PSMD6: variants seen among roughly 807,000 people sequenced by gnomAD.
The protein encoded by PSMD6 is proteasome 26S subunit, non-ATPase 6, also known as 26S proteasome non-ATPase regulatory subunit 6.
Under a neutral mutation model 44.9 loss-of-function variants are expected in PSMD6, and 7 were observed. The observed-to-expected ratio is 0.16, with a 90% CI of 0.09 to 0.29. The LOEUF is 0.29. PSMD6 is among the 10% of genes least tolerant of loss of function. PSMD6 has a pLI of 1.00. For synonymous variants in PSMD6, 184 were observed against 172.7 expected (o/e 1.07, Z -0.51); for missense variants, 420 against 482.6 (o/e 0.87, Z 1.21).
rs1182567704 is a variant in PSMD6, at chr3:64,019,542, G to A, written c.352-101C>T. On this transcript the variant is annotated intron_variant, in intron 2 of 7. Transcript: ENST00000295901. ...TCTTCAAAGGTTGAGGGAAGAGGTA[G>A]GAGTAGAAGTACAACAAGATGGCCA... 10 of 1,303,138 alleles carry A rather than the reference G, an allele frequency of 7.7e-6. No homozygotes were observed. In the African/African-American group the frequency reaches 1.2e-4, roughly 16 times the overall value. The allele number at this position is 1,303,138 out of a possible 1,614,324, so 80.7% of individuals were successfully genotyped here. A position where few individuals can be genotyped will look rare whatever the true frequency, so the allele number is the denominator to read the frequency against.
chr3:64,013,677 A>G (rs2075997970), intron 5 of PSMD6, 70 bp from the exon 6 acceptor site: 6 of 1,402,646 alleles, frequency 4.3e-6, no homozygotes, highest in Non-Finnish European at 5.7e-6. Context: ...AACTAAAGCA[A>G]CACTACTAGT....
At chr3:64,018,740 A>T in intron 4 of PSMD6, 33 bp from the exon 5 acceptor site, 1 of 1,521,920 alleles carries the variant, frequency 6.6e-7, no homozygotes, top group Admixed American at 1.8e-5. Flanking sequence ...ATACAAAAAA[A>T]ATGTACATTT....
chr3:64,019,042 G>T lies in PSMD6; in HGVS notation c.498-5C>A. ...TCTCCTCCTTCTTCTATTAAGCTAT[G>T]AAATAAAAACAGTAAGATCATAGTC... On this transcript the variant is annotated splice_region_variant and splice_polypyrimidine_tract_variant and intron_variant, in intron 3 of 7. Transcript: ENST00000295901. 6.3e-7 allele frequency: 1 copy of T among 1,587,882 alleles called. No individual in the cohort carries two copies. The highest frequency in any genetic ancestry group is 8.6e-7 in the Non-Finnish European group (1 of 1,156,562).
At chr3:64,023,736 G>A, upstream of PSMD6, 1 of 1,485,480 alleles carries the variant, frequency 6.7e-7, no homozygotes, top group African/African-American at 1.4e-5. Flanking sequence ...CTTTCCGTTT[G>A]TAACTGATGG....
Position 64,010,561 on chromosome 3 carries a change from A to T in PSMD6, c.*107T>A. 2.7e-6 allele frequency: 2 copies of T among 749,858 alleles called. No individual in the cohort carries two copies. The highest frequency in any genetic ancestry group is 2.1e-5 in the South Asian group (1 of 47,470). The allele number at this position is 749,858 out of a possible 1,614,324, so 46.5% of individuals were successfully genotyped here. ...AGAAAAAAATAAATGGAAAGAAACAACAATGCAGTATTTATTTTATACAGC... is the reference window on the plus strand; with the variant it reads ...AGAAAAAAATAAATGGAAAGAAACATCAATGCAGTATTTATTTTATACAGC... On this transcript the variant is annotated 3_prime_UTR_variant, in exon 8 of 8. Coordinates refer to ENST00000295901, the MANE Select transcript of PSMD6 (RefSeq NM_014814.3).
At chr3:64,016,186 C>CAAATAAATAAAT (rs537474014) in intron 5 of PSMD6, 7 of 150,364 alleles carry the variant, frequency 4.7e-5, no homozygotes, top group African/African-American at 1.5e-4. Flanking sequence ...GACTCTGTCT[C>CAAATAAATAAAT]AAATAAATAA....
intron 5 of PSMD6, among the ~76,000 whole-genome samples, chr3:64,018,129 A>C (rs2076076224): frequency 6.6e-6 from 1 of 152,202 alleles, no homozygotes; most frequent in African/African-American, 2.4e-5. Context: ...ATTGATACAG[A>C]ATAGCCCATT....
chr3:64,023,569 C>T, upstream of PSMD6: 5 of 1,416,296 alleles, frequency 3.5e-6, no homozygotes, highest in Non-Finnish European at 3.7e-6. Flanking sequence ...CTGGACACCT[C>T]CGGGAACGCC....
At chr3:64,023,945 C>A, upstream of PSMD6, 1 of 862,852 alleles carries the variant, frequency 1.2e-6, no homozygotes, top group South Asian at 1.9e-5. Context: ...GGTCATGTAA[C>A]AGCCATGTCG....
intron 2 of PSMD6, 109 bp downstream of exon 2, chr3:64,022,209 A>C (rs138632308): frequency 3.2e-6 from 4 of 1,232,934 alleles, no homozygotes; most frequent in Non-Finnish European, 4.6e-6. Flanking sequence ...GATTACCTTT[A>C]TACTTTTTCT....
intron 1 of PSMD6, 96 bp from the exon 2 acceptor site, chr3:64,022,619 T>G (rs1229385640): frequency 6.3e-7 from 1 of 1,575,900 alleles, no homozygotes; most frequent in South Asian, 1.1e-5. Flanking sequence ...CCACAAGTCA[T>G]CCACCAGTCT....
At chr3:64,020,985 C>T (rs765226997) in intron 2 of PSMD6, among the ~76,000 whole-genome samples, 1 of 151,836 alleles carries the variant, frequency 6.6e-6, no homozygotes, top group Non-Finnish European at 1.5e-5. Context: ...TTCAAAGATC[C>T]AGTAATGGTG....
chr3:64,019,324 T>C lies in PSMD6; in HGVS notation c.469A>G (p.Ile157Val). ...TTGGCCTTTTCTGTGTTTCGTGTGA[T>C]GAGATCATTATCCATATAAAATAAG... ...IGLFYMDNDL[I>V]TRNTEKAKSL... The change falls in exon 3 of 8, where the codon ATC becomes GTC. Residue 157 changes from isoleucine (I) to valine (V), a missense_variant. Transcript: ENST00000295901. 1 of 1,590,462 alleles carries C rather than the reference T, an allele frequency of 6.3e-7. No homozygotes were observed. The highest frequency in any genetic ancestry group is 8.6e-7 in the Non-Finnish European group (1 of 1,158,524).
chr3:64,013,212 G>A (rs1241924970), intron 6 of PSMD6: 1 of 426,992 alleles, frequency 2.3e-6, no homozygotes, highest in Non-Finnish European at 4.1e-6. Flanking sequence ...AAATCACTTA[G>A]CCTCACTACA....
chr3:64,019,506 G>A (rs1418761341), intron 2 of PSMD6, 65 bp from the exon 3 acceptor site: 26 of 1,521,034 alleles, frequency 1.7e-5, no homozygotes, highest in African/African-American at 4.2e-5. Context: ...GCTATCAGCT[G>A]TCTGGGATTT....
Position 64,022,542 on chromosome 3 carries a change from G to T in PSMD6, c.146-19C>A. 6.2e-7 allele frequency: 1 copy of T among 1,612,576 alleles called. No homozygotes were observed. ...GCCATGTCTAACATGCAAAAAGAGG[G>T]ATGTGTGAGTGGGGACACTTGTGCC... On this transcript the variant is annotated intron_variant, in intron 1 of 7. Coordinates refer to ENST00000295901, the MANE Select transcript of PSMD6 (RefSeq NM_014814.3).
At chr3:64,022,296 A>G (rs1249000577) in intron 2 of PSMD6, 22 bp downstream of exon 2, 1 of 1,613,100 alleles carries the variant, frequency 6.2e-7, no homozygotes, top group South Asian at 1.1e-5. Flanking sequence ...AACTACAGAG[A>G]GGGAAAACCA....
chr3:64,019,772 T>C lies in PSMD6; in HGVS notation c.352-331A>G, dbSNP rs528491645. Reference sequence around the variant, plus strand: ...TCAATGTTTTCTCTCATAATCACAATACACTACATCAAAATAACATCATCT... The same window carrying C: ...TCAATGTTTTCTCTCATAATCACAACACACTACATCAAAATAACATCATCT... On this transcript the variant is annotated intron_variant, in intron 2 of 7. Coordinates refer to ENST00000295901, the MANE Select transcript of PSMD6 (RefSeq NM_014814.3). 185 of 206,718 alleles carry C rather than the reference T, an allele frequency of 8.9e-4. 3 individuals carry two copies. Among genetic ancestry groups the C allele is most frequent in the African/African-American group, 1.0e-3 (44 of 43,642 alleles). The allele number at this position is 206,718 out of a possible 1,614,324, so 12.8% of individuals were successfully genotyped here. A position where few individuals can be genotyped will look rare whatever the true frequency, so the allele number is the denominator to read the frequency against.
rs748335738 is a variant in PSMD6 at position 64,023,368 on chromosome 3, G to T, written c.52C>A (p.Arg18Ser). 8.1e-6 allele frequency: 13 copies of T among 1,612,336 alleles called. No homozygotes were observed. In the South Asian group the frequency reaches 1.4e-4, roughly 18 times the overall value. Reference sequence around the variant, plus strand: ...AGCAGGAAGCGCAGCTGCGCGATACGCAAGTCGGGGTTCTTGGGCAGACCC... The same window carrying T: ...AGCAGGAAGCGCAGCTGCGCGATACTCAAGTCGGGGTTCTTGGGCAGACCC... Reference protein sequence around the residue: ...EEGLPKNPDLRIAQLRFLLSL... With the variant: ...EEGLPKNPDLSIAQLRFLLSL... Residue 18 changes from arginine to serine, a missense_variant, in exon 1 of 8, where the codon CGT becomes AGT. By Grantham distance (110) the Arg-to-Ser change is moderately radical. Around this residue, in one of 4 missense-constraint regions of PSMD6, gnomAD observed 136 missense variants for 124.2 expected, o/e 1.09. Coordinates refer to ENST00000295901, the MANE Select transcript of PSMD6 (RefSeq NM_014814.3).
Sources: gnomAD v4.1 joint callset for allele counts (sites outside exome capture counted in the v4.1 genomes callset) on GRCh38, gnomAD v4.1.1 for gene constraint, gnomAD v4.1.1 regional missense constraint, MANE v1.5 for transcripts, NCBI Gene and HGNC (gene_info 2026-07-23, HGNC 2026-07-21) for gene names.